Variants in RGS6 observed in about 807,000 individuals in gnomAD.
RGS6 encodes the protein regulator of G-protein signaling 6.
RGS6 carries 30 observed loss-of-function variants against 78.5 expected under a neutral mutation model. The ratio of observed to expected loss-of-function variants is 0.38; its 90% CI spans 0.29 to 0.52. The LOEUF is 0.52. Among genes scored for constraint, RGS6 ranks in the 20% least tolerant of loss-of-function variants. The pLI, the probability that RGS6 is intolerant of heterozygous loss-of-function variation, is 0.85. For synonymous variants in RGS6, 206 were observed against 206.0 expected, an observed-to-expected ratio of 1.00 and a Z score of 0.00; for missense variants, 495 against 609.7, an observed-to-expected ratio of 0.81 and a Z score of 1.98.
chr14:72,441,435 A>T (rs990723914), intron 3 of RGS6, among the ~76,000 whole-genome samples: 2 of 152,226 alleles, frequency 1.3e-5, no homozygotes, highest in African/African-American at 4.8e-5. Context: ...GGAATTAGGG[A>T]TCTTAGAAGG....
chr14:72,146,396 A>G (rs2153626156), intron 2 of RGS6, among the ~76,000 whole-genome samples: 1 of 152,298 alleles, frequency 6.6e-6, no homozygotes, highest in Non-Finnish European at 1.5e-5. Flanking sequence ...TTTCATACCA[A>G]TTGCTCTAAA....
chr14:72,379,295 C>G (rs941409192), intron 3 of RGS6, among the ~76,000 whole-genome samples: 1 of 152,008 alleles, frequency 6.6e-6, no homozygotes, highest in Admixed American at 6.5e-5. Flanking sequence ...CCCACTCTTA[C>G]CATTCTTATT....
At chr14:72,264,395 C>T (rs1242659772) in intron 2 of RGS6, among the ~76,000 whole-genome samples, 1 of 152,218 alleles carries the variant, frequency 6.6e-6, no homozygotes, top group African/African-American at 2.4e-5. Context: ...CCAATATCTT[C>T]ACTTTGAGTG....
intron 15 of RGS6, among the ~76,000 whole-genome samples, chr14:72,523,399 G>A (rs140781156): frequency 0.022 from 3,355 of 152,230 alleles, 52 homozygotes; most frequent in Non-Finnish European, 0.03. Flanking sequence ...CAGGGGCTCT[G>A]GGTGGCTTCC....
At chr14:72,386,812 C>T (rs1244641308) in intron 3 of RGS6, among the ~76,000 whole-genome samples, 1 of 152,142 alleles carries the variant, frequency 6.6e-6, no homozygotes. Flanking sequence ...TAAAAATAAT[C>T]TCAGAAATAC....
chr14:72,030,621 T>C (rs1416257421), intron 2 of RGS6, among the ~76,000 whole-genome samples: 2 of 146,648 alleles, frequency 1.4e-5, no homozygotes, highest in Non-Finnish European at 3.0e-5. Flanking sequence ...TTACTGCACC[T>C]GGAGAGGCCT....
At chr14:72,558,244 G>C (rs1056541204) in intron 17 of RGS6, among the ~76,000 whole-genome samples, 2 of 152,084 alleles carry the variant, frequency 1.3e-5, no homozygotes, top group Non-Finnish European at 2.9e-5. Flanking sequence ...TAGTTCATCT[G>C]AGCAGATCAG....
At chr14:72,580,444 T>C in the RGS6 span, among the ~76,000 whole-genome samples, 100 of 152,178 alleles carry the variant, frequency 6.6e-4, no homozygotes, top group African/African-American at 2.4e-3. Flanking sequence ...AGGCTGATGG[T>C]CCCCAGAAGT....
At position 71,960,981 on chromosome 14, in the gene RGS6, C is replaced by T. The variant is rs140378416; in HGVS notation, c.-20-3791C>T. Among the ~76,000 whole-genome samples the T allele has an allele frequency of 3.3e-5, 5 of 152,342 alleles. No homozygotes were observed. The East Asian group carries it at 9.6e-4, about 29-fold the overall frequency. On this transcript the variant is annotated intron_variant, in intron 1 of 17. Coordinates refer to ENST00000553525, the MANE Select transcript of RGS6 (RefSeq NM_001204424.2). ...TTTTAAGGAGAGGATCTGTGTCTGA[C>T]TTATCTGTATATCCCCAGGGCCTAG...
intron 2 of RGS6, among the ~76,000 whole-genome samples, chr14:72,087,374 GC>G (rs1195382096): frequency 2.6e-5 from 4 of 152,048 alleles, no homozygotes; most frequent in Non-Finnish European, 5.9e-5. Context: ...CAAGTGATCT[GC>G]CCGCCTTGGC....
intron 2 of RGS6, among the ~76,000 whole-genome samples, chr14:72,207,922 G>C (rs1056310098): frequency 6.6e-6 from 1 of 152,206 alleles, no homozygotes; most frequent in Non-Finnish European, 1.5e-5. Context: ...ATTGGAGGAA[G>C]TGAATGAATA....
chr14:72,406,058 T>G (rs1018310471), intron 3 of RGS6, among the ~76,000 whole-genome samples: 12 of 152,150 alleles, frequency 7.9e-5, no homozygotes, highest in Non-Finnish European at 1.8e-4. Context: ...GAGAAAATTA[T>G]CCAGTCACCT....
intron 2 of RGS6, among the ~76,000 whole-genome samples, chr14:72,117,665 G>C (rs576457527): frequency 1.1e-3 from 172 of 152,266 alleles, no homozygotes; most frequent in African/African-American, 3.9e-3. Flanking sequence ...ACAACATGGG[G>C]GACCTTGTGC....
intron 3 of RGS6, among the ~76,000 whole-genome samples, chr14:72,430,149 G>A (rs1040587621): frequency 6.6e-6 from 1 of 152,178 alleles, no homozygotes; most frequent in Non-Finnish European, 1.5e-5. Flanking sequence ...AAAATGCAAA[G>A]TACATATAGC....
intron 1 of RGS6, among the ~76,000 whole-genome samples, chr14:71,955,599 T>TG (rs2092723762): frequency 1.3e-5 from 2 of 152,318 alleles, no homozygotes; most frequent in South Asian, 4.1e-4. Context: ...AACTTCCTGA[T>TG]GTTGCCATGG....
chr14:72,106,880 C>T (rs771118051), intron 2 of RGS6, among the ~76,000 whole-genome samples: 32 of 152,132 alleles, frequency 2.1e-4, no homozygotes, highest in Non-Finnish European at 2.5e-4. Context: ...TTCATCAAAT[C>T]TTAGTCCTGT....
At chr14:72,005,989 A>C (rs1489463600) in intron 2 of RGS6, among the ~76,000 whole-genome samples, 2 of 152,138 alleles carry the variant, frequency 1.3e-5, no homozygotes, top group Admixed American at 6.5e-5. Flanking sequence ...TCCTCCAAAA[A>C]TATTGATGTT....
chr14:72,404,245 G>T (rs369053699), intron 3 of RGS6, among the ~76,000 whole-genome samples: 1 of 152,158 alleles, frequency 6.6e-6, no homozygotes. Context: ...AAGGAGAATC[G>T]GTTCTGTGGA....
the RGS6 span, among the ~76,000 whole-genome samples, chr14:71,882,680 A>G: frequency 5.9e-5 from 9 of 152,330 alleles, no homozygotes; most frequent in East Asian, 1.9e-4. Context: ...AATGAAAATG[A>G]TTTCTGCCCA....
Sources: allele counts gnomAD v4.1 joint callset (sites outside exome capture counted in the v4.1 genomes callset), GRCh38; gene constraint gnomAD v4.1.1; transcripts MANE v1.5; gene names NCBI Gene and HGNC (gene_info 2026-07-23, HGNC 2026-07-21).